WDFY3: variants seen among roughly 807,000 people sequenced by gnomAD.
WDFY3 encodes WD repeat and FYVE domain-containing protein 3.
A neutral mutation model predicts 409.6 loss-of-function variants in WDFY3; 66 were observed. That is an observed-to-expected ratio of 0.16 (90% CI 0.13 to 0.20). The LOEUF (loss-of-function observed/expected upper bound fraction) is 0.20, where lower values mean the gene tolerates loss of function less well. WDFY3 is among the 10% of genes least tolerant of loss of function. WDFY3 has a pLI of 1.00. For synonymous variants in WDFY3, 1,521 were observed against 1,537.1 expected (o/e 0.99, Z 0.25); for missense variants, 3,031 against 4,298.1 (o/e 0.71, Z 8.24).
At chr4:84,784,891 T>TATATATATATATATATAC (rs1238884117) in intron 24 of WDFY3, among the ~76,000 whole-genome samples, 1 of 36,916 alleles carries the variant, frequency 2.7e-5, no homozygotes, top group Non-Finnish European at 6.6e-5. Context: ...TATATATATA[T>TATATATATATATATATAC]ACACACACAC....
intron 32 of WDFY3, among the ~76,000 whole-genome samples, chr4:84,761,517 T>A (rs1036482867): frequency 6.6e-6 from 1 of 152,162 alleles, no homozygotes; most frequent in Middle Eastern, 3.2e-3. Flanking sequence ...ATATTTAGGA[T>A]AGTTAGCTCT....
At chr4:84,965,057 A>T (rs182447523) in intron 1 of WDFY3, among the ~76,000 whole-genome samples, 41 of 152,264 alleles carry the variant, frequency 2.7e-4, no homozygotes, top group African/African-American at 9.9e-4. Context: ...TATTTTTTTT[A>T]AAGTCGGATT....
chr4:84,816,535 T>C (rs747208255), intron 13 of WDFY3, among the ~76,000 whole-genome samples: 4 of 152,166 alleles, frequency 2.6e-5, no homozygotes, highest in African/African-American at 9.6e-5. Flanking sequence ...ACAGTACTAA[T>C]AGAAAGCAGT....
At chr4:84,820,221 T>G in intron 11 of WDFY3, 35 bp from the exon 12 acceptor site, 1 of 1,511,970 alleles carries the variant, frequency 6.6e-7, no homozygotes, top group Non-Finnish European at 9.0e-7. Context: ...ATTACAAAAG[T>G]GATAAGCTTA....
rs767258497 is a variant in WDFY3 at position 84,789,807 on chromosome 4, C to G, written c.3588G>C (p.Leu1196Phe). Residue 1196 changes from leucine (L) to phenylalanine (F), a missense_variant, in exon 22 of 68, where the codon TTG (leucine) becomes TTC (phenylalanine). Coordinates refer to ENST00000295888, the MANE Select transcript of WDFY3 (RefSeq NM_014991.6). ...ACATGCCTTTGCTCATTACCAGGAC[C>G]AAATGATGCCACTGTCCCTCAATGA... Reference protein sequence around the residue: ...ELIIEGQWHHLVLVMSKGMLK... With the variant: ...ELIIEGQWHHFVLVMSKGMLK... The G allele has an allele frequency of 1.5e-5, 25 of 1,614,018 alleles. No homozygotes were observed. Among genetic ancestry groups the G allele is most frequent in the Non-Finnish European group, 2.0e-5 (24 of 1,180,020 alleles).
rs147652255 is a variant in WDFY3, at chr4:84,803,442, G to T, written c.2455C>A (p.Pro819Thr). 2.5e-6 allele frequency: 4 copies of T among 1,612,926 alleles called. No homozygotes were observed. Among genetic ancestry groups the T allele is most frequent in the Admixed American group, 3.4e-5 (2 of 59,700 alleles). The change falls in exon 16 of 68, where the codon CCC (proline) becomes ACC (threonine). Residue 819 changes from proline to threonine, a missense_variant. Physicochemically the swap from Pro to Thr is conservative, Grantham distance 38. Coordinates refer to ENST00000295888, the MANE Select transcript of WDFY3 (RefSeq NM_014991.6). ...ACATTTTTAGGAGGGTAAACAGGGG[G>T]AGTTGAAACAGAATGATATGCATGC... ...KRHAYHSVST[P>T]PVYPPKNVAD...
In WDFY3 at chr4:84,704,378, A is replaced by G; in HGVS notation, c.8402T>C (p.Val2801Ala). Residue 2801 changes from valine to alanine, a missense_variant, in exon 55 of 68, where the codon GTA becomes GCA. By Grantham distance (64) the Val-to-Ala change is moderately conservative (BLOSUM62 0). Coordinates refer to ENST00000295888, the MANE Select transcript of WDFY3 (RefSeq NM_014991.6). The part of the protein sequence containing the change: ...SSAMIVASYL[V>A]RMEPFTQIFL... ...TATCTGTGTGAAAGGCTCCATCCTT[A>G]CAAGGTATGAGGCCACAATCATTGC... The G allele has an allele frequency of 1.9e-6, 3 of 1,612,868 alleles. No individual in the cohort carries two copies. The highest frequency in any genetic ancestry group is 2.5e-6 in the Non-Finnish European group (3 of 1,179,472).
chr4:84,891,985 A>G (rs1765016420), intron 3 of WDFY3, among the ~76,000 whole-genome samples: 2 of 151,900 alleles, frequency 1.3e-5, no homozygotes, highest in Non-Finnish European at 2.9e-5. Context: ...CCCTGCAAAC[A>G]GAAATTGTCT....
chr4:84,785,255 T>A (rs1184101750), intron 24 of WDFY3, among the ~76,000 whole-genome samples: 2 of 152,044 alleles, frequency 1.3e-5, no homozygotes, highest in African/African-American at 2.4e-5. Context: ...CTAATTTTAC[T>A]GCATCCACAT....
chr4:84,815,619 A>G (rs549124515), intron 13 of WDFY3, among the ~76,000 whole-genome samples: 74 of 152,272 alleles, frequency 4.9e-4, no homozygotes, highest in South Asian at 1.2e-3. Context: ...TATTTCATAG[A>G]AAGTCCTCCA....
chr4:84,882,009 A>G (rs1382102947), intron 3 of WDFY3, among the ~76,000 whole-genome samples: 1 of 152,208 alleles, frequency 6.6e-6, no homozygotes, highest in Non-Finnish European at 1.5e-5. Context: ...TATCTCATGC[A>G]ATCTTCAAAA....
Position 84,778,597 on chromosome 4 carries a change from A to C in WDFY3, c.4424T>G (p.Leu1475Arg). Reference protein sequence around the residue: ...RSLLNSHILHLTFSLVGTVDS... With the variant: ...RSLLNSHILHRTFSLVGTVDS... ...AACAGTTCCCACCAAAGAAAAAGTT[A>C]GATGGAGGATGTGGCTGTTAAGAAG... The change falls in exon 27 of 68, where the codon CTA (leucine) becomes CGA (arginine). Residue 1475 changes from leucine to arginine, a missense_variant. Coordinates refer to ENST00000295888, the MANE Select transcript of WDFY3 (RefSeq NM_014991.6). 6.2e-7 allele frequency: 1 copy of C among 1,613,016 alleles called. No individual in the cohort carries two copies. The highest frequency in any genetic ancestry group is 8.5e-7 in the Non-Finnish European group (1 of 1,179,704).
At chr4:84,788,408 T>A (rs1578520131) in intron 22 of WDFY3, among the ~76,000 whole-genome samples, 1 of 152,186 alleles carries the variant, frequency 6.6e-6, no homozygotes, top group African/African-American at 2.4e-5. Context: ...GGGACAGTGA[T>A]GATGATGTAA....
chr4:84,949,366 G>A (rs928534295), intron 1 of WDFY3, among the ~76,000 whole-genome samples: 3 of 152,166 alleles, frequency 2.0e-5, no homozygotes, highest in Admixed American at 6.5e-5. Context: ...ACATTTACAC[G>A]CCCAAATTTA....
chr4:84,955,486 C>T (rs1390490880), intron 1 of WDFY3, among the ~76,000 whole-genome samples: 1 of 152,060 alleles, frequency 6.6e-6, no homozygotes, highest in Non-Finnish European at 1.5e-5. Context: ...ACATCTTCAT[C>T]CTCTGAAGAG....
chr4:84,943,060 T>C (rs771043136), intron 1 of WDFY3, among the ~76,000 whole-genome samples: 1 of 152,222 alleles, frequency 6.6e-6, no homozygotes, highest in Non-Finnish European at 1.5e-5. Context: ...ACTCCTCTCT[T>C]CCTCCTCCTC....
At chr4:84,739,703 T>G (rs941141939) in intron 39 of WDFY3, among the ~76,000 whole-genome samples, 2 of 152,230 alleles carry the variant, frequency 1.3e-5, no homozygotes, top group African/African-American at 2.4e-5. Flanking sequence ...TACAGCTGAC[T>G]GGTCTTGCTT....
chr4:84,932,922 C>T (rs1770947872), intron 1 of WDFY3, among the ~76,000 whole-genome samples: 1 of 152,110 alleles, frequency 6.6e-6, no homozygotes, highest in Admixed American at 6.5e-5. Context: ...TAAATGTTTC[C>T]TTTCATTTAC....
At chr4:84,963,376 G>C (rs560003938) in intron 1 of WDFY3, among the ~76,000 whole-genome samples, 1 of 148,070 alleles carries the variant, frequency 6.8e-6, no homozygotes, top group South Asian at 2.1e-4. Flanking sequence ...AGTGAGCCCA[G>C]ATGATGCCAC....
Sources: allele counts gnomAD v4.1 joint callset (sites outside exome capture counted in the v4.1 genomes callset), GRCh38; gene constraint gnomAD v4.1.1; transcripts MANE v1.5; gene names NCBI Gene and HGNC (gene_info 2026-07-23, HGNC 2026-07-21).